The following KIFAP3 variants were observed in gnomAD, a reference collection of about 807,000 sequenced individuals.
The protein encoded by KIFAP3 is kinesin-associated protein 3.
Under a neutral mutation model 106.5 loss-of-function variants are expected in KIFAP3, and 68 were observed. The observed-to-expected ratio is 0.64, with a 90% CI of 0.53 to 0.78. The LOEUF (loss-of-function observed/expected upper bound fraction) is 0.78, where lower values mean the gene tolerates loss of function less well. KIFAP3 is among the 30% of genes least tolerant of loss of function. The pLI, the probability that KIFAP3 is intolerant of heterozygous loss-of-function variation, is 0.00. For missense variants in KIFAP3, 780 were observed against 941.8 expected, an observed-to-expected ratio of 0.83 and a Z score of 2.25; for synonymous variants, 320 against 311.5, an observed-to-expected ratio of 1.03 and a Z score of -0.29.
chr1:170,052,022 CA>C (rs1376616307), intron 2 of KIFAP3, among the ~76,000 whole-genome samples: 1 of 151,752 alleles, frequency 6.6e-6, no homozygotes, highest in African/African-American at 2.4e-5. Flanking sequence ...GATAAAGACA[CA>C]AAAAACTCTT....
At chr1:169,938,445 T>A (rs532351472) in intron 19 of KIFAP3, among the ~76,000 whole-genome samples, 1 of 152,162 alleles carries the variant, frequency 6.6e-6, no homozygotes, top group African/African-American at 2.4e-5. Context: ...ATAGATGGTA[T>A]GCATTGTACA....
chr1:170,043,056 C>T (rs566411962), intron 3 of KIFAP3, among the ~76,000 whole-genome samples: 83 of 152,316 alleles, frequency 5.4e-4, no homozygotes, highest in African/African-American at 1.9e-3. Context: ...GTAACTTTTA[C>T]GTTTAGTAAC....
At chr1:170,028,898 A>T (rs1021027197) in intron 8 of KIFAP3, among the ~76,000 whole-genome samples, 1 of 152,172 alleles carries the variant, frequency 6.6e-6, no homozygotes, top group Admixed American at 6.5e-5. Context: ...AATAGAATTT[A>T]AAAAATCTCA....
intron 19 of KIFAP3, among the ~76,000 whole-genome samples, chr1:169,946,191 T>A (rs1367582844): frequency 6.6e-6 from 1 of 152,182 alleles, no homozygotes; most frequent in Non-Finnish European, 1.5e-5. Flanking sequence ...ACTGAGAATA[T>A]CCCACTTATT....
chr1:170,035,527 C>G lies in KIFAP3; in HGVS notation c.544G>C (p.Val182Leu). 1 of 1,608,318 alleles carries G rather than the reference C, an allele frequency of 6.2e-7. No homozygotes were observed. Among genetic ancestry groups the G allele is most frequent in the Non-Finnish European group, 8.5e-7 (1 of 1,177,054 alleles). Residue 182 changes from valine to leucine, a missense_variant, in exon 6 of 20, where the codon GTC becomes CTC. Physicochemically the swap from Val to Leu is conservative, Grantham distance 32. Coordinates refer to ENST00000361580, the MANE Select transcript of KIFAP3 (RefSeq NM_014970.4). The part of the protein sequence containing the change: ...NETALGALAR[V>L]LREDWKQSVE... ...CTTTGCTTCCAGTCTTCTCTCAGGACCCTTGCTAATGCACCAAGGGCAGTT... is the reference window on the plus strand; with the variant it reads ...CTTTGCTTCCAGTCTTCTCTCAGGAGCCTTGCTAATGCACCAAGGGCAGTT...
chr1:169,981,887 A>G, intron 15 of KIFAP3, 85 bp downstream of exon 15: 2 of 1,139,262 alleles, frequency 1.8e-6, no homozygotes. Flanking sequence ...AGAAAAACAG[A>G]TTACAGACTC....
At chr1:170,035,233 T>C (rs1029189974) in intron 6 of KIFAP3, among the ~76,000 whole-genome samples, 1 of 151,918 alleles carries the variant, frequency 6.6e-6, no homozygotes, top group Non-Finnish European at 1.5e-5. Flanking sequence ...CAAATTTTAC[T>C]CATAAGGAAA....
At chr1:169,929,196 T>C (rs533761375) in intron 19 of KIFAP3, among the ~76,000 whole-genome samples, 1 of 152,282 alleles carries the variant, frequency 6.6e-6, no homozygotes, top group African/African-American at 2.4e-5. Context: ...TTAACATTCA[T>C]AGAATGTGGC....
At chr1:170,013,101 C>T (rs1345256696) in intron 10 of KIFAP3, among the ~76,000 whole-genome samples, 2 of 152,106 alleles carry the variant, frequency 1.3e-5, no homozygotes, top group Non-Finnish European at 2.9e-5. Context: ...GAGAAGACAG[C>T]TGTCTATGAA....
chr1:170,057,742 C>T (rs1670924422), intron 1 of KIFAP3, among the ~76,000 whole-genome samples: 1 of 151,760 alleles, frequency 6.6e-6, no homozygotes, highest in African/African-American at 2.4e-5. Context: ...TCCAAACGTT[C>T]TACTTGAATT....
chr1:169,925,288 A>G (rs1663075077), intron 19 of KIFAP3, among the ~76,000 whole-genome samples: 1 of 152,100 alleles, frequency 6.6e-6, no homozygotes, highest in Non-Finnish European at 1.5e-5. Flanking sequence ...TCCTGAAAAT[A>G]CATAATTCTG....
chr1:170,022,581 T>C (rs1668901391), intron 9 of KIFAP3, among the ~76,000 whole-genome samples: 1 of 152,124 alleles, frequency 6.6e-6, no homozygotes, highest in South Asian at 2.1e-4. Context: ...GGAGGCTAGA[T>C]TCACTAAGTC....
chr1:169,971,224 A>C, intron 17 of KIFAP3, among the ~76,000 whole-genome samples: 1 of 151,784 alleles, frequency 6.6e-6, no homozygotes, highest in East Asian at 1.9e-4. Context: ...CAGACTGACA[A>C]CTCCCTCCTT....
intron 17 of KIFAP3, among the ~76,000 whole-genome samples, chr1:169,971,554 A>G (rs917336858): frequency 1.3e-5 from 2 of 152,074 alleles, no homozygotes; most frequent in Admixed American, 1.3e-4. Context: ...CAAAAAACAG[A>G]TGATATCAAA....
In KIFAP3 at chr1:170,035,533, C is replaced by T; in HGVS notation, c.538G>A (p.Ala180Thr). 3 of 1,606,430 alleles carry T rather than the reference C, an allele frequency of 1.9e-6. No homozygotes were observed. The highest frequency in any genetic ancestry group is 1.7e-6 in the Non-Finnish European group (2 of 1,175,876). Residue 180 changes from alanine to threonine, a missense_variant, in exon 6 of 20, where the codon GCA becomes ACA. This residue lies in a region of KIFAP3 where 588 missense variants were observed against 678.9 expected (regional missense o/e 0.87). Coordinates refer to ENST00000361580, the MANE Select transcript of KIFAP3 (RefSeq NM_014970.4). ...TTCCAGTCTTCTCTCAGGACCCTTG[C>T]TAATGCACCAAGGGCAGTTTCTAAA... Reference protein sequence around the residue: ...LLNETALGALARVLREDWKQS... With the variant: ...LLNETALGALTRVLREDWKQS...
rs567230126 is a variant in KIFAP3, at chr1:169,991,245, G to A, written c.1284+910C>T. On this transcript the variant is annotated intron_variant, in intron 11 of 19. Coordinates refer to ENST00000361580, the MANE Select transcript of KIFAP3 (RefSeq NM_014970.4). The stretch of plus-strand genomic sequence containing the variant: ...ACCTGTAGTCCTAGCTACCCAGGAG[G>A]CTGAGGCAGGAGGATTGCTTGAGCC... Among the ~76,000 whole-genome samples, 4 of 152,116 alleles carry A rather than the reference G, an allele frequency of 2.6e-5. No homozygotes were observed. In the South Asian group the frequency reaches 8.3e-4, roughly 32 times the overall value.
chr1:170,043,895 T>C (rs1670108820), intron 3 of KIFAP3, among the ~76,000 whole-genome samples: 1 of 152,182 alleles, frequency 6.6e-6, no homozygotes, highest in Non-Finnish European at 1.5e-5. Flanking sequence ...ATCAGTTTTC[T>C]GTACTTACCC....
At chr1:170,030,255 T>C (rs1478689609) in intron 8 of KIFAP3, among the ~76,000 whole-genome samples, 1 of 151,872 alleles carries the variant, frequency 6.6e-6, no homozygotes, top group Admixed American at 6.6e-5. Context: ...AATTTAATAA[T>C]AAGGCAAAAG....
At chr1:170,032,015 C>T in intron 7 of KIFAP3, 31 bp from the exon 8 acceptor site, 1 of 873,132 alleles carries the variant, frequency 1.1e-6, no homozygotes, top group East Asian at 3.0e-5. Context: ...CATCCATACT[C>T]ATTGAAGCAA....
Sources: allele counts gnomAD v4.1 joint callset (sites outside exome capture counted in the v4.1 genomes callset), GRCh38; gene constraint gnomAD v4.1.1; regional missense constraint gnomAD v4.1.1; transcripts MANE v1.5; gene names NCBI Gene and HGNC (gene_info 2026-07-23, HGNC 2026-07-21).